WWC2: variants seen among roughly 807,000 people sequenced by gnomAD.
WWC2 encodes protein WWC2.
A neutral mutation model predicts 138.5 loss-of-function variants in WWC2; 101 were observed. The observed-to-expected ratio is 0.73, with a 90% CI of 0.62 to 0.86. The LOEUF is 0.86. Ranked by LOEUF, WWC2 falls within the 40% of genes least tolerant of loss-of-function variation. The pLI is 0.00. For missense variants in WWC2, 1,420 were observed against 1,419.4 expected, an observed-to-expected ratio of 1.00 and a Z score of -0.01; for synonymous variants, 558 against 538.4, an observed-to-expected ratio of 1.04 and a Z score of -0.50.
chr4:183,211,710 G>A (rs1257213377), intron 4 of WWC2, among the ~76,000 whole-genome samples: 2 of 152,128 alleles, frequency 1.3e-5, no homozygotes, highest in Admixed American at 6.5e-5. Flanking sequence ...TGTGTCTCAG[G>A]TGCTCAGTCA....
chr4:183,249,021 T>A (rs1580107815), intron 7 of WWC2, among the ~76,000 whole-genome samples, 161 bp downstream of exon 7: 1 of 152,092 alleles, frequency 6.6e-6, no homozygotes, highest in Non-Finnish European at 1.5e-5. Context: ...ATCATAGCCT[T>A]ATCTTTTCTA....
intron 1 of WWC2, among the ~76,000 whole-genome samples, chr4:183,152,914 G>C (rs1198284881): frequency 6.6e-6 from 1 of 151,936 alleles, no homozygotes; most frequent in African/African-American, 2.4e-5. Context: ...AAAAATAATA[G>C]AGTTGGGTTC....
At chr4:183,285,206 G>A (rs1355252590) in intron 19 of WWC2, among the ~76,000 whole-genome samples, 1 of 152,128 alleles carries the variant, frequency 6.6e-6, no homozygotes, top group Non-Finnish European at 1.5e-5. Flanking sequence ...GGTTGGGGGT[G>A]ATACGCAGGA....
chr4:183,318,695 C>A lies in WWC2; in HGVS notation c.*2966C>A, dbSNP rs1231122784. ...GTTCTTGTTGGAACTATATGTATTG[C>A]TGATAAAAAAGGACGAAGTATTTTC... is the stretch of plus-strand genomic sequence containing the variant. On this transcript the variant is annotated 3_prime_UTR_variant, in exon 23 of 23. Coordinates refer to ENST00000403733, the MANE Select transcript of WWC2 (RefSeq NM_024949.6). 4 of 152,112 alleles carry A rather than the reference C, an allele frequency of 2.6e-5. No individual in the cohort carries two copies. Among genetic ancestry groups the A allele is most frequent in the Non-Finnish European group, 5.9e-5 (4 of 68,018 alleles). 9.4% of individuals were successfully genotyped at this position (152,112 alleles called of 1,614,324 possible).
intron 1 of WWC2, among the ~76,000 whole-genome samples, chr4:183,167,414 G>A (rs1734157853): frequency 6.6e-6 from 1 of 152,194 alleles, no homozygotes; most frequent in Non-Finnish European, 1.5e-5. Flanking sequence ...AGAGATTTAA[G>A]GGAGAGAGAG....
intron 15 of WWC2, chr4:183,269,633 A>G: frequency 2.6e-6 from 1 of 379,478 alleles, no homozygotes; most frequent in Non-Finnish European, 5.3e-6. Context: ...TACAACTAGT[A>G]AGCGATGAAG....
At position 183,120,759 on chromosome 4, in the gene WWC2, A is replaced by G. The variant is rs546780823; in HGVS notation, c.131+21137A>G. 2.0e-5 allele frequency among the ~76,000 whole-genome samples: 3 copies of G among 152,336 alleles called. No homozygotes were observed. In the South Asian group the frequency reaches 6.2e-4, roughly 32 times the overall value. ...GTATAAGTTGGATGTGAACAATAAA[A>G]TACATTTATTTAATTAATGGCTGGT... is the stretch of plus-strand genomic sequence containing the variant. On this transcript the variant is annotated intron_variant, in intron 1 of 22. Transcript: ENST00000403733.
Position 183,261,272 on chromosome 4 carries a change from C to G in WWC2, c.1649C>G (p.Ser550Cys), listed in dbSNP as rs1175137330. The G allele has an allele frequency of 6.2e-7, 1 of 1,613,344 alleles. No homozygotes were observed. Among genetic ancestry groups the G allele is most frequent in the East Asian group, 2.2e-5 (1 of 44,870 alleles). ...TCTGTGGCCTCCCTGTCCTCGAGGT[C>G]CTCCCTTTCCTCCTTGTCTCCTCCA... The part of the protein sequence containing the change: ...PKSVASLSSR[S>C]SLSSLSPPGS... The change falls in exon 11 of 23, where the codon TCC becomes TGC. Residue 550 changes from serine to cysteine, a missense_variant. By Grantham distance (112) the Ser-to-Cys change is moderately radical. Coordinates refer to ENST00000403733, the MANE Select transcript of WWC2 (RefSeq NM_024949.6).
intron 4 of WWC2, among the ~76,000 whole-genome samples, chr4:183,237,814 C>G (rs925820623): frequency 2.0e-5 from 3 of 152,154 alleles, no homozygotes; most frequent in Non-Finnish European, 4.4e-5. Flanking sequence ...CGTTGTTCCT[C>G]ATAGTGCCTG....
intron 21 of WWC2, among the ~76,000 whole-genome samples, chr4:183,291,784 C>T (rs1454095689): frequency 6.6e-6 from 1 of 151,870 alleles, no homozygotes; most frequent in Non-Finnish European, 1.5e-5. Context: ...ATCTAATCTC[C>T]ATTGTATAGA....
At chr4:183,185,629 A>G (rs1169501313) in intron 1 of WWC2, among the ~76,000 whole-genome samples, 1 of 151,932 alleles carries the variant, frequency 6.6e-6, no homozygotes, top group Non-Finnish European at 1.5e-5. Context: ...TTTATTTTTT[A>G]CTTCTTCAGA....
intron 21 of WWC2, among the ~76,000 whole-genome samples, chr4:183,297,299 G>A (rs1738665171): frequency 2.0e-5 from 3 of 151,854 alleles, no homozygotes; most frequent in Non-Finnish European, 2.9e-5. Context: ...TTTATTATCT[G>A]ATGAACCAGC....
chr4:183,245,322 C>A, intron 5 of WWC2, 94 bp from the exon 6 acceptor site: 1 of 1,132,672 alleles, frequency 8.8e-7, no homozygotes, highest in Non-Finnish European at 1.1e-6. Flanking sequence ...AAATAATCAT[C>A]CAACTGAGAC....
chr4:183,140,337 C>T (rs555395217), intron 1 of WWC2, among the ~76,000 whole-genome samples: 28 of 152,170 alleles, frequency 1.8e-4, no homozygotes, highest in African/African-American at 6.5e-4. Context: ...TGTGGGCTCC[C>T]GATTAAGAGT....
chr4:183,250,083 T>A, intron 8 of WWC2, 90 bp downstream of exon 8: 10 of 1,176,546 alleles, frequency 8.5e-6, no homozygotes, highest in Non-Finnish European at 1.2e-5. Context: ...TGCTGGGCAC[T>A]CCCCATACAT....
At chr4:183,250,517 CAT>C (rs1207659065) in intron 8 of WWC2, among the ~76,000 whole-genome samples, 1 of 152,142 alleles carries the variant, frequency 6.6e-6, no homozygotes, top group East Asian at 1.9e-4. Flanking sequence ...TCTTTTACCT[CAT>C]AAACTCTTCT....
intron 2 of WWC2, among the ~76,000 whole-genome samples, chr4:183,195,372 G>T (rs772091330): frequency 5.6e-4 from 85 of 152,140 alleles, no homozygotes; most frequent in Non-Finnish European, 2.1e-4. Flanking sequence ...AATGAGAAAA[G>T]AAATCCTCTT....
At chr4:183,264,834 A>G (rs1737440921) in intron 11 of WWC2, 144 bp from the exon 12 acceptor site, 4 of 868,408 alleles carry the variant, frequency 4.6e-6, no homozygotes, top group Non-Finnish European at 6.4e-6. Flanking sequence ...AGTTGTTTAC[A>G]GCTGTAGATT....
At chr4:183,223,244 G>A (rs1015101374) in intron 4 of WWC2, among the ~76,000 whole-genome samples, 1 of 152,222 alleles carries the variant, frequency 6.6e-6, no homozygotes, top group Non-Finnish European at 1.5e-5. Context: ...ATCTGGTTCT[G>A]TGTAAGTGTA....
Sources: allele counts gnomAD v4.1 joint callset (sites outside exome capture counted in the v4.1 genomes callset), GRCh38; gene constraint gnomAD v4.1.1; transcripts MANE v1.5; gene names NCBI Gene and HGNC (gene_info 2026-07-23, HGNC 2026-07-21).